The following ABLIM2 variants were observed in gnomAD, a reference collection of about 807,000 sequenced individuals.
ABLIM2 encodes actin-binding LIM protein 2.
ABLIM2 carries 53 observed loss-of-function variants against 97.7 expected under a neutral mutation model. That is an observed-to-expected ratio of 0.54 (90% CI 0.44 to 0.68). ABLIM2 has a LOEUF of 0.68. Ranked by LOEUF, ABLIM2 falls within the 30% of genes least tolerant of loss-of-function variation. The probability of loss-of-function intolerance (pLI) is 0.00; values close to 1 mark genes in which losing one functional copy is unlikely to be tolerated. For synonymous variants in ABLIM2, 361 were observed against 345.8 expected (o/e 1.04, Z -0.49); for missense variants, 835 against 867.2 (o/e 0.96, Z 0.47).
chr4:8,118,106 A>T (rs969537285), intron 1 of ABLIM2, among the ~76,000 whole-genome samples: 1 of 152,210 alleles, frequency 6.6e-6, no homozygotes, highest in Non-Finnish European at 1.5e-5. Context: ...TCTCCCTGCC[A>T]TCTGCGCAGG....
At chr4:8,051,562 C>CAAAAA (rs36056609) in intron 8 of ABLIM2, among the ~76,000 whole-genome samples, 7 of 107,812 alleles carry the variant, frequency 6.5e-5, no homozygotes, top group East Asian at 2.8e-4. Context: ...GATTCCATCT[C>CAAAAA]AAAAAAAAAA....
At chr4:8,040,053 G>A (rs1046481068) in intron 9 of ABLIM2, among the ~76,000 whole-genome samples, 3 of 152,172 alleles carry the variant, frequency 2.0e-5, no homozygotes, top group Admixed American at 1.3e-4. Flanking sequence ...CTCACGGTCC[G>A]TGGAGGAGAT....
At chr4:8,064,333 C>T (rs1046941919) in intron 6 of ABLIM2, among the ~76,000 whole-genome samples, 6 of 152,100 alleles carry the variant, frequency 3.9e-5, no homozygotes, top group African/African-American at 9.7e-5. Context: ...GGGAGCAGAC[C>T]GTGAAGGTCC....
chr4:8,131,507 C>A (rs1849360168), intron 1 of ABLIM2, among the ~76,000 whole-genome samples: 2 of 152,176 alleles, frequency 1.3e-5, no homozygotes, highest in African/African-American at 4.8e-5. Flanking sequence ...GGGGGATGAG[C>A]TGTTTCTGCA....
chr4:8,126,894 C>T (rs976345950), intron 1 of ABLIM2, among the ~76,000 whole-genome samples: 25 of 152,060 alleles, frequency 1.6e-4, no homozygotes, highest in African/African-American at 3.6e-4. Flanking sequence ...AGTGAGACCC[C>T]GTCTCTACTA....
Position 8,080,696 on chromosome 4 carries a change from C to A in ABLIM2, c.561G>T (p.Leu187=). 6.2e-7 allele frequency: 1 copy of A among 1,610,098 alleles called. No individual in the cohort carries two copies. Among genetic ancestry groups the A allele is most frequent in the South Asian group, 1.1e-5 (1 of 90,590 alleles). ...CTTACTTGCTGATGTACTCGGCATT[C>A]AGGAGCTTCCCACAGCTCTTGCACT... The part of the protein sequence containing the change: ...CFKCKSCGKL[L]NAEYISKDGL... The change falls in exon 5 of 21, where the codon CTG becomes CTT. Residue 187 remains leucine (L), a synonymous_variant. Coordinates refer to ENST00000447017, the MANE Select transcript of ABLIM2 (RefSeq NM_001130083.2).
Position 8,082,257 on chromosome 4 carries a change from A to G in ABLIM2, c.455-1455T>C, listed in dbSNP as rs1405293636. ...CCCAGGGCCCGACGTGCTGGGTACA[A>G]ATCCTGGCCCCCACTATGCGCTGGG... On this transcript the variant is annotated intron_variant, in intron 4 of 20. Transcript: ENST00000447017. The surrounding 1 kb of genome is among the most constrained non-coding windows in gnomAD (Gnocchi z 5.6). 6.6e-6 allele frequency among the ~76,000 whole-genome samples: 1 copy of G among 152,182 alleles called. No individual in the cohort carries two copies. Among genetic ancestry groups the G allele is most frequent in the Non-Finnish European group, 1.5e-5 (1 of 68,038 alleles).
chr4:8,045,286 C>T (rs544202867), intron 8 of ABLIM2, 45 bp from the exon 9 acceptor site: 19 of 1,549,484 alleles, frequency 1.2e-5, no homozygotes, highest in East Asian at 6.7e-5. Context: ...TACCAACATT[C>T]GGGGCCTTCA....
At position 8,005,134 on chromosome 4, in the gene ABLIM2, T is replaced by A. The variant is rs927149957; in HGVS notation, c.1618+2925A>T. Among the ~76,000 whole-genome samples the A allele has an allele frequency of 6.6e-6, 1 of 152,188 alleles. No individual in the cohort carries two copies. The highest frequency in any genetic ancestry group is 1.5e-5 in the Non-Finnish European group (1 of 68,036). ...TGTTGTGGGTGAGATGAGTTTGTGATCGGGCCCTTGCGAAGCCAAAGAGGT... is the reference window on the plus strand; with the variant it reads ...TGTTGTGGGTGAGATGAGTTTGTGAACGGGCCCTTGCGAAGCCAAAGAGGT... On this transcript the variant is annotated intron_variant, in intron 16 of 20. Transcript: ENST00000447017. The surrounding 1 kb of genome is among the most constrained non-coding windows in gnomAD (Gnocchi z 4.9).
rs924228479 is a variant in ABLIM2, at chr4:8,005,167, G to A, written c.1618+2892C>T. ...TTGCGAAGCCAAAGAGGTGCCCGGC[G>A]GGCAGGCGGCGGCGGGATGCGTGTG... On this transcript the variant is annotated intron_variant, in intron 16 of 20. Transcript: ENST00000447017. The surrounding 1 kb of genome is among the most constrained non-coding windows in gnomAD (Gnocchi z 4.9). 8 of 374,096 alleles carry A rather than the reference G, an allele frequency of 2.1e-5. No individual in the cohort carries two copies. Among genetic ancestry groups the A allele is most frequent in the East Asian group, 7.1e-5 (1 of 14,110 alleles). 23.2% of individuals were successfully genotyped at this position (374,096 alleles called of 1,614,324 possible). A position where few individuals can be genotyped will look rare whatever the true frequency, so the allele number is the denominator to read the frequency against.
chr4:8,077,160 G>T (rs1330264131), intron 6 of ABLIM2, among the ~76,000 whole-genome samples: 1 of 152,098 alleles, frequency 6.6e-6, no homozygotes, highest in Non-Finnish European at 1.5e-5. Flanking sequence ...TTTCACACAG[G>T]GAACATGCCC....
chr4:8,137,122 C>A (rs936176675), intron 1 of ABLIM2, among the ~76,000 whole-genome samples: 1 of 152,216 alleles, frequency 6.6e-6, no homozygotes. Flanking sequence ...GAGAGTTCAA[C>A]GTCTGTCTTT....
intron 5 of ABLIM2, among the ~76,000 whole-genome samples, chr4:8,080,160 G>T (rs536209603): frequency 6.6e-6 from 1 of 152,202 alleles, no homozygotes; most frequent in Non-Finnish European, 1.5e-5. Context: ...GTTTGGTGTC[G>T]ATGGCAGCTG....
At chr4:8,107,248 T>G (rs531279527) in intron 1 of ABLIM2, among the ~76,000 whole-genome samples, 9 of 152,324 alleles carry the variant, frequency 5.9e-5, no homozygotes, top group African/African-American at 1.9e-4. Context: ...CAGGTCAGGA[T>G]GGATGGTCAC....
rs192668555 is a variant in ABLIM2 at position 8,112,634 on chromosome 4, G to A, written c.11-5997C>T. 9.4e-4 allele frequency among the ~76,000 whole-genome samples: 143 copies of A among 152,282 alleles called. 1 individual carries two copies. Among genetic ancestry groups the A allele is most frequent in the African/African-American group, 3.2e-3 (135 of 41,550 alleles). ...AGTCCACAAGCATTTTCAGGAAAAG[G>A]CAAGACAGTAAATACAGTGTAGGCC... On this transcript the variant is annotated intron_variant, in intron 1 of 20. Transcript: ENST00000447017. This position sits in a 1 kb window ranked among gnomAD's most constrained non-coding sequence, Gnocchi z 4.2.
chr4:8,076,739 G>C (rs1816257265), intron 6 of ABLIM2, among the ~76,000 whole-genome samples: 1 of 148,518 alleles, frequency 6.7e-6, no homozygotes, highest in African/African-American at 2.5e-5. Context: ...GCAGGGTTGG[G>C]GGGGGTCTGT....
At chr4:7,995,206 A>T (rs999936669) in intron 16 of ABLIM2, among the ~76,000 whole-genome samples, 2 of 152,170 alleles carry the variant, frequency 1.3e-5, no homozygotes, top group Non-Finnish European at 2.9e-5. Context: ...GGGTCCCTAA[A>T]CTGTCTGTCT....
At chr4:8,143,824 C>T (rs1851384761) in intron 1 of ABLIM2, among the ~76,000 whole-genome samples, 1 of 152,208 alleles carries the variant, frequency 6.6e-6, no homozygotes, top group African/African-American at 2.4e-5. Context: ...TGCTGCTTGG[C>T]TGCATGTTAG....
rs1179327530 is a variant in ABLIM2, at chr4:8,155,501, T to C, written c.10+3179A>G. On this transcript the variant is annotated intron_variant, in intron 1 of 20. Transcript: ENST00000447017. This position sits in a 1 kb window ranked among gnomAD's most constrained non-coding sequence, Gnocchi z 4.2. ...ATTCCTCATGTCCCTTCCAGTTCCA[T>C]GATCCTAAGAGCAGCATGGAAACAG... 6.6e-6 allele frequency among the ~76,000 whole-genome samples: 1 copy of C among 152,140 alleles called. No homozygotes were observed. Among genetic ancestry groups the C allele is most frequent in the Non-Finnish European group, 1.5e-5 (1 of 68,026 alleles).
Sources: allele counts gnomAD v4.1 joint callset (sites outside exome capture counted in the v4.1 genomes callset), GRCh38; gene constraint gnomAD v4.1.1; non-coding constraint Gnocchi (gnomAD v3.1); transcripts MANE v1.5; gene names NCBI Gene and HGNC (gene_info 2026-07-23, HGNC 2026-07-21).